C5orf46: variants seen among roughly 807,000 people sequenced by gnomAD.
The protein encoded by C5orf46 is uncharacterized protein C5orf46.
In C5orf46, 9 loss-of-function variants were observed where a neutral mutation model predicts 8.9. The ratio of observed to expected loss-of-function variants is 1.01; its 90% CI spans 0.61 to 1.76. The LOEUF (loss-of-function observed/expected upper bound fraction) is 1.76, where lower values mean the gene tolerates loss of function less well. Ranked by LOEUF, C5orf46 falls within the 40% of genes most tolerant of loss-of-function variation. The probability of loss-of-function intolerance (pLI) is 0.00; values close to 1 mark genes in which losing one functional copy is unlikely to be tolerated. For missense variants in C5orf46, 98 were observed against 107.8 expected, an observed-to-expected ratio of 0.91 and a Z score of 0.40; for synonymous variants, 47 against 41.4, an observed-to-expected ratio of 1.14 and a Z score of -0.52.
intron 1 of C5orf46, among the ~76,000 whole-genome samples, chr5:147,905,692 G>T (rs1468012253): frequency 6.6e-6 from 1 of 152,154 alleles, no homozygotes; most frequent in African/African-American, 2.4e-5. Context: ...AGGTGGGAAA[G>T]AAATAGTTGC....
intron 2 of C5orf46, chr5:147,886,040 C>T (rs1465132836): frequency 5.3e-5 from 8 of 152,052 alleles, no homozygotes; most frequent in Admixed American, 1.3e-4. Context: ...CTGGATGCAT[C>T]CTTAGAGAAT....
chr5:147,897,465 G>A (rs999041503), intron 2 of C5orf46, among the ~76,000 whole-genome samples: 5 of 152,198 alleles, frequency 3.3e-5, no homozygotes, highest in African/African-American at 1.2e-4. Flanking sequence ...TGGCTGGTAA[G>A]TTACAAAGAA....
rs5872049 is a variant in C5orf46, at chr5:147,895,062, CA to C, written c.*9+1921del. 2.5e-3 allele frequency among the ~76,000 whole-genome samples: 346 copies of C among 139,676 alleles called. 1 individual carries two copies. Among genetic ancestry groups the C allele is most frequent in the Middle Eastern group, 3.6e-3 (1 of 276 alleles). 91.6% of individuals were successfully genotyped at this position (139,676 alleles called of 152,430 possible). A position where few individuals can be genotyped will look rare whatever the true frequency, so the allele number is the denominator to read the frequency against. ...TGGGTGACAGAGTGAGACTCTGTCT[CA>C]AAAAAAAAAAAATCAATGTTAATAA... On this transcript the variant is annotated intron_variant, in intron 3 of 3. Transcript: ENST00000318315.
At chr5:147,894,156 A>T (rs1314728901) in intron 3 of C5orf46, among the ~76,000 whole-genome samples, 1 of 152,148 alleles carries the variant, frequency 6.6e-6, no homozygotes, top group Middle Eastern at 3.2e-3. Flanking sequence ...TTAAGAATTC[A>T]TAAAGTGACT....
At chr5:147,898,088 G>T (rs952402187) in intron 2 of C5orf46, among the ~76,000 whole-genome samples, 1 of 151,998 alleles carries the variant, frequency 6.6e-6, no homozygotes, top group African/African-American at 2.4e-5. Context: ...AAATTTTTTT[G>T]ATATAAAGTT....
chr5:147,887,914 C>T (rs1757444956), downstream of C5orf46, among the ~76,000 whole-genome samples: 1 of 152,122 alleles, frequency 6.6e-6, no homozygotes, highest in Admixed American at 6.6e-5. Flanking sequence ...GAAACATCAC[C>T]TGTGTTTCAG....
chr5:147,901,417 A>G (rs908044286), intron 2 of C5orf46: 3 of 425,572 alleles, frequency 7.0e-6, no homozygotes, highest in African/African-American at 6.1e-5. Flanking sequence ...GTATGGAACC[A>G]CTTGATGGGA....
intron 3 of C5orf46, among the ~76,000 whole-genome samples, chr5:147,896,650 C>T (rs1757584144): frequency 6.6e-6 from 1 of 152,058 alleles, no homozygotes; most frequent in Admixed American, 6.6e-5. Flanking sequence ...TGCATGATTA[C>T]GTGGGTCCTT....
chr5:147,901,387 G>GAAA (rs71969066), intron 2 of C5orf46: 13 of 250,178 alleles, frequency 5.2e-5, no homozygotes, highest in Non-Finnish European at 6.6e-5. Flanking sequence ...AGATTAAAAA[G>GAAA]AAAAAAAAAA....
At chr5:147,895,919 A>G (rs1329423696) in intron 3 of C5orf46, among the ~76,000 whole-genome samples, 20 of 152,172 alleles carry the variant, frequency 1.3e-4, no homozygotes, top group Admixed American at 1.3e-3. Flanking sequence ...TTCCGGGGGA[A>G]TATGATAGTA....
intron 2 of C5orf46, among the ~76,000 whole-genome samples, chr5:147,897,395 T>G (rs897276750): frequency 6.6e-5 from 10 of 152,196 alleles, no homozygotes; most frequent in African/African-American, 2.4e-4. Context: ...CTTTATTATC[T>G]CTTTTTATGT....
In C5orf46 at chr5:147,894,350, G is replaced by A. The variant is rs370400835; in HGVS notation, c.*10-1411C>T. Among the ~76,000 whole-genome samples the A allele has an allele frequency of 6.0e-4, 92 of 152,192 alleles. 1 individual carries two copies. The East Asian group carries it at 0.016, about 26-fold the overall frequency. On this transcript the variant is annotated intron_variant, in intron 3 of 3. Transcript: ENST00000318315. ...ATGGAGTTAAAATTTTAATTTTATTGAAAATATTAAAGCCAGTAAAAATCA... is the reference window on the plus strand; with the variant it reads ...ATGGAGTTAAAATTTTAATTTTATTAAAAATATTAAAGCCAGTAAAAATCA...
At chr5:147,901,561 A>G (rs1017365200) in intron 2 of C5orf46, 68 bp downstream of exon 2, 39 of 1,434,038 alleles carry the variant, frequency 2.7e-5, no homozygotes, top group African/African-American at 5.7e-5. Context: ...TTTTAATGCC[A>G]TGAGGTCATT....
intron 2 of C5orf46, among the ~76,000 whole-genome samples, chr5:147,898,043 A>G (rs1353769418): frequency 6.6e-6 from 1 of 152,178 alleles, no homozygotes; most frequent in East Asian, 1.9e-4. Context: ...AATTCATGAA[A>G]AACTTTCAAG....
At chr5:147,891,711 T>A (rs1757505334), downstream of C5orf46, among the ~76,000 whole-genome samples, 1 of 152,188 alleles carries the variant, frequency 6.6e-6, no homozygotes, top group South Asian at 2.1e-4. Context: ...GAGAAGCAGT[T>A]TGTGTGCCAG....
At chr5:147,894,541 T>C (rs1757550357) in intron 3 of C5orf46, among the ~76,000 whole-genome samples, 1 of 152,124 alleles carries the variant, frequency 6.6e-6, no homozygotes, top group Non-Finnish European at 1.5e-5. Context: ...ATAATGCTTA[T>C]CCCCTCCTCC....
At chr5:147,899,152 T>C (rs1757629188) in intron 2 of C5orf46, among the ~76,000 whole-genome samples, 2 of 152,182 alleles carry the variant, frequency 1.3e-5, no homozygotes, top group South Asian at 2.1e-4. Context: ...CTGCCTGTGA[T>C]CTTTGGCTGA....
At chr5:147,903,515 G>A (rs140021431) in intron 1 of C5orf46, among the ~76,000 whole-genome samples, 3 of 152,142 alleles carry the variant, frequency 2.0e-5, no homozygotes, top group African/African-American at 7.2e-5. Flanking sequence ...TTGTGTGGAG[G>A]CTGCCAAATT....
chr5:147,891,842 G>C (rs1757506826), downstream of C5orf46, among the ~76,000 whole-genome samples: 1 of 152,148 alleles, frequency 6.6e-6, no homozygotes, highest in African/African-American at 2.4e-5. Context: ...AAAGTAACAT[G>C]CATTTTTCAA....
Sources: allele counts gnomAD v4.1 joint callset (sites outside exome capture counted in the v4.1 genomes callset), GRCh38; gene constraint gnomAD v4.1.1; transcripts MANE v1.5; gene names NCBI Gene and HGNC (gene_info 2026-07-23, HGNC 2026-07-21).